Variants in CHST6 observed in about 807,000 individuals in gnomAD.
CHST6 encodes N-acetylglucosamine 6-O-sulfotransferase 5.
For synonymous variants in CHST6, 309 were observed against 276.4 expected, an observed-to-expected ratio of 1.12 and a Z score of -1.17; for missense variants, 698 against 586.2, an observed-to-expected ratio of 1.19 and a Z score of -1.97.
intron 1 of CHST6, among the ~76,000 whole-genome samples, chr16:75,492,457 C>T (rs1793464736): frequency 6.6e-6 from 1 of 152,222 alleles, no homozygotes; most frequent in African/African-American, 2.4e-5. Context: ...CTGGAATGTT[C>T]CCTGGTTTAT....
At chr16:75,490,319 G>T (rs1027738900) in intron 1 of CHST6, among the ~76,000 whole-genome samples, 1 of 150,590 alleles carries the variant, frequency 6.6e-6, no homozygotes, top group African/African-American at 2.4e-5. Context: ...TCTCTACTAA[G>T]AATACAAAAT....
In CHST6 at chr16:75,476,461, G is replaced by A. The variant is rs2080066363; in HGVS notation, c.*2180C>T. 6.9e-6 allele frequency: 1 copy of A among 144,882 alleles called. No homozygotes were observed. The highest frequency in any genetic ancestry group is 1.5e-5 in the Non-Finnish European group (1 of 66,958). 9.0% of individuals were successfully genotyped at this position (144,882 alleles called of 1,614,324 possible). ...AGCTCCTCAGGAGGCTGAGGCAGGA[G>A]AATTGCTTGAACTCAGGAGGCAGAG... is the stretch of plus-strand genomic sequence containing the variant. On this transcript the variant is annotated 3_prime_UTR_variant, in exon 3 of 3. Transcript: ENST00000332272.
Position 75,479,809 on chromosome 16 carries a change from G to C in CHST6, c.20C>G (p.Ser7Cys). Residue 7 changes from serine (S) to cysteine (C), a missense_variant, in exon 3 of 3, where the codon TCC (serine) becomes TGC (cysteine). By Grantham distance (112) the Ser-to-Cys change is moderately radical (BLOSUM62 -1). Coordinates refer to ENST00000332272, the MANE Select transcript of CHST6 (RefSeq NM_021615.5). Reference protein sequence around the residue: MWLPRVSSTAVTALLLA... With the variant: MWLPRVCSTAVTALLLA... ...GAGGAGCGCGGTCACTGCTGTGCTG[G>C]AGACGCGCGGCAGCCACATGCTGAC... 6.4e-7 allele frequency: 1 copy of C among 1,565,566 alleles called. No individual in the cohort carries two copies. The highest frequency in any genetic ancestry group is 8.6e-7 in the Non-Finnish European group (1 of 1,157,332).
chr16:75,494,537 A>G (rs1356246855), intron 1 of CHST6, among the ~76,000 whole-genome samples: 2 of 152,184 alleles, frequency 1.3e-5, no homozygotes, highest in African/African-American at 2.4e-5. Flanking sequence ...CTGAAGCCCA[A>G]GATGAAGCCG....
At chr16:75,494,713 TGA>T (rs1398106361) in intron 1 of CHST6, among the ~76,000 whole-genome samples, 1 of 152,206 alleles carries the variant, frequency 6.6e-6, no homozygotes, top group African/African-American at 2.4e-5. Context: ...CCCCTCGCAG[TGA>T]GGATTCTCCT....
chr16:75,489,318 G>A (rs886413641), intron 1 of CHST6, among the ~76,000 whole-genome samples: 2 of 149,630 alleles, frequency 1.3e-5, no homozygotes, highest in African/African-American at 5.0e-5. Flanking sequence ...AGAATCGCTT[G>A]AGCCCAGGAG....
chr16:75,478,781 C>G lies in CHST6; in HGVS notation c.1048G>C (p.Ala350Pro), dbSNP rs779247810. Residue 350 changes from alanine (A) to proline (P), a missense_variant, in exon 3 of 3, where the codon GCT becomes CCT. Coordinates refer to ENST00000332272, the MANE Select transcript of CHST6 (RefSeq NM_021615.5). ...AKIRRVQELC[A>P]GALQLLGYRP... ...TAGCCCAGCAGCTGCAGCGCACCAG[C>G]GCACAGTTCCTGCACGCGGCGGATC... 3 of 1,613,472 alleles carry G rather than the reference C, an allele frequency of 1.9e-6. No individual in the cohort carries two copies. Among genetic ancestry groups the G allele is most frequent in the Non-Finnish European group, 2.5e-6 (3 of 1,179,990 alleles).
Position 75,481,822 on chromosome 16 carries a change from TC to T in CHST6, c.-23del. 1.7e-6 allele frequency: 1 copy of T among 573,214 alleles called. No individual in the cohort carries two copies. Among genetic ancestry groups the T allele is most frequent in the Non-Finnish European group, 3.1e-6 (1 of 322,622 alleles). 35.5% of individuals were successfully genotyped at this position (573,214 alleles called of 1,614,324 possible). On this transcript the variant is annotated 5_prime_UTR_variant, in exon 2 of 3. Transcript: ENST00000332272. ...GGCCAGCTGAGGGGACTCACCACTG[TC>T]CAGGGCTGCTGGGAGAGCTGCAACG...
Position 75,482,625 on chromosome 16 carries a change from A to T in CHST6, c.-91-734T>A, listed in dbSNP as rs142994286. 8.0e-3 allele frequency among the ~76,000 whole-genome samples: 1,212 copies of T among 152,240 alleles called. 17 individuals are homozygous for T. The highest frequency in any genetic ancestry group is 0.028 in the African/African-American group (1,171 of 41,520). ...AGCTTCCCGCATTCCAAGGTCCCAA[A>T]GTGTTCTTCTGTTTGCACCTGTTGC... On this transcript the variant is annotated intron_variant, in intron 1 of 2. Coordinates refer to ENST00000332272, the MANE Select transcript of CHST6 (RefSeq NM_021615.5).
intron 1 of CHST6, among the ~76,000 whole-genome samples, chr16:75,492,724 C>T (rs1286260222): frequency 1.3e-5 from 2 of 150,332 alleles, no homozygotes; most frequent in East Asian, 3.9e-4. Context: ...GTGGCACGTG[C>T]TTGTAATCCT....
chr16:75,475,198 C>G lies in CHST6; in HGVS notation c.*3443G>C, dbSNP rs2080054154. 1 of 152,360 alleles carries G rather than the reference C, an allele frequency of 6.6e-6. No individual in the cohort carries two copies. The highest frequency in any genetic ancestry group is 1.5e-5 in the Non-Finnish European group (1 of 68,112). The allele number at this position is 152,360 out of a possible 1,614,324, so 9.4% of individuals were successfully genotyped here. On this transcript the variant is annotated 3_prime_UTR_variant, in exon 3 of 3. Transcript: ENST00000332272. ...ACAACACTGGGGATCAAGGTTCCAA[C>G]TTTGGGAGACACAATCAAATCACAG... is the stretch of plus-strand genomic sequence containing the variant.
Position 75,479,806 on chromosome 16 carries a change from C to T in CHST6, c.23G>A (p.Ser8Asn), listed in dbSNP as rs2080118826. 1.9e-6 allele frequency: 3 copies of T among 1,569,582 alleles called. No individual in the cohort carries two copies. The highest frequency in any genetic ancestry group is 2.6e-6 in the Non-Finnish European group (3 of 1,159,374). The change falls in exon 3 of 3, where the codon AGC becomes AAC. Residue 8 changes from serine (S) to asparagine (N), a missense_variant. Physicochemically the swap from Ser to Asn is conservative, Grantham distance 46 (BLOSUM62 1). Coordinates refer to ENST00000332272, the MANE Select transcript of CHST6 (RefSeq NM_021615.5). ...CAGGAGGAGCGCGGTCACTGCTGTG[C>T]TGGAGACGCGCGGCAGCCACATGCT... Reference protein sequence around the residue: MWLPRVSSTAVTALLLAQ... With the variant: MWLPRVSNTAVTALLLAQ...
In CHST6 at chr16:75,478,276, C is replaced by G; in HGVS notation, c.*365G>C. The G allele has an allele frequency of 2.7e-6, 1 of 369,964 alleles. No individual in the cohort carries two copies. The highest frequency in any genetic ancestry group is 5.1e-6 in the Non-Finnish European group (1 of 194,428). 22.9% of individuals were successfully genotyped at this position (369,964 alleles called of 1,614,324 possible). Reference sequence around the variant, plus strand: ...CACCACAGTGCCTCTCCACTCCCAGCCAGTGCCAGGGCACCCCCTCAGCTG... The same window carrying G: ...CACCACAGTGCCTCTCCACTCCCAGGCAGTGCCAGGGCACCCCCTCAGCTG... On this transcript the variant is annotated 3_prime_UTR_variant, in exon 3 of 3. Transcript: ENST00000332272.
In CHST6 at chr16:75,478,890, A is replaced by C. The variant is rs1158357251; in HGVS notation, c.939T>G (p.Gly313=). The C allele has an allele frequency of 3.7e-6, 6 of 1,613,252 alleles. No homozygotes were observed. Residue 313 remains glycine (G), a synonymous_variant, in exon 3 of 3, where the codon GGT becomes GGG. Coordinates refer to ENST00000332272, the MANE Select transcript of CHST6 (RefSeq NM_021615.5). ...IHNITHGSGP[G]ARREAFKTSS... ...AAGTCTTGAAGGCTTCGCGGCGCGC[A>C]CCAGGTCCAGATCCGTGGGTGATGT...
chr16:75,475,788 A>G lies in CHST6; in HGVS notation c.*2853T>C, dbSNP rs1438959028. Reference sequence around the variant, plus strand: ...CAAAGGACTTGGATACCAAGAGGCCATTAATTGCAGCCATCAATAAAATTT... The same window carrying G: ...CAAAGGACTTGGATACCAAGAGGCCGTTAATTGCAGCCATCAATAAAATTT... On this transcript the variant is annotated 3_prime_UTR_variant, in exon 3 of 3. Transcript: ENST00000332272. 6.6e-6 allele frequency: 1 copy of G among 152,260 alleles called. No individual in the cohort carries two copies. Among genetic ancestry groups the G allele is most frequent in the Admixed American group, 6.5e-5 (1 of 15,280 alleles). 9.4% of individuals were successfully genotyped at this position (152,260 alleles called of 1,614,324 possible). A position where few individuals can be genotyped will look rare whatever the true frequency, so the allele number is the denominator to read the frequency against.
In CHST6 at chr16:75,475,974, T is replaced by C. The variant is rs2080061991; in HGVS notation, c.*2667A>G. On this transcript the variant is annotated 3_prime_UTR_variant, in exon 3 of 3. Coordinates refer to ENST00000332272, the MANE Select transcript of CHST6 (RefSeq NM_021615.5). ...GATTCTCCTGCCTCAGCCTCCTGAG[T>C]AGCTGGAATTACAGGTGTGCACCAC... 6.6e-6 allele frequency: 1 copy of C among 152,032 alleles called. No individual in the cohort carries two copies. The highest frequency in any genetic ancestry group is 2.4e-5 in the African/African-American group (1 of 41,370). The allele number at this position is 152,032 out of a possible 1,614,324, so 9.4% of individuals were successfully genotyped here.
At position 75,479,021 on chromosome 16, in the gene CHST6, G is replaced by C. The variant is rs1188791914; in HGVS notation, c.808C>G (p.Leu270Val). Residue 270 changes from leucine to valine, a missense_variant, in exon 3 of 3, where the codon CTG (leucine) becomes GTG (valine). Leu to Val is a conservative substitution (Grantham distance 32). Transcript: ENST00000332272. ...PPPFLRGRYRLVRFEDLAREP... is the reference protein window; with the variant it reads ...PPPFLRGRYRVVRFEDLAREP... ...CGCGCCAGGTCCTCGAAGCGCACCA[G>C]GCGGTAGCGGCCGCGCAGAAAGGGT... The C allele has an allele frequency of 1.9e-6, 3 of 1,610,608 alleles. No homozygotes were observed. Among genetic ancestry groups the C allele is most frequent in the African/African-American group, 1.3e-5 (1 of 75,058 alleles).
chr16:75,488,182 A>G (rs1202069808), intron 1 of CHST6, among the ~76,000 whole-genome samples: 1 of 152,092 alleles, frequency 6.6e-6, no homozygotes, highest in Non-Finnish European at 1.5e-5. Context: ...TCCCAAAGCC[A>G]CCTGGGCACG....
Position 75,479,109 on chromosome 16 carries a change from G to A in CHST6, c.720C>T (p.Arg240=). 6 of 1,605,038 alleles carry A rather than the reference G, an allele frequency of 3.7e-6. No homozygotes were observed. In the South Asian group the frequency reaches 4.4e-5, roughly 12 times the overall value. Residue 240 remains arginine, a synonymous_variant, in exon 3 of 3, where the codon CGC becomes CGT. Transcript: ENST00000332272. ...GTWVEADPGL[R]VVREVCRSHV... ...GGCTACGGCACACCTCGCGCACCAC[G>A]CGCAGGCCGGGGTCGGCCTCCACCC...
Sources: allele counts gnomAD v4.1 joint callset (sites outside exome capture counted in the v4.1 genomes callset), GRCh38; gene constraint gnomAD v4.1.1; transcripts MANE v1.5; gene names NCBI Gene and HGNC (gene_info 2026-07-23, HGNC 2026-07-21).